The following RBM44 variants were observed in gnomAD, a reference collection of about 807,000 sequenced individuals.
The protein encoded by RBM44 is RNA binding motif protein 44.
Under a neutral mutation model 105.1 loss-of-function variants are expected in RBM44, and 66 were observed. The observed-to-expected ratio is 0.63, with a 90% CI of 0.52 to 0.77. The LOEUF (loss-of-function observed/expected upper bound fraction) is 0.77, where lower values mean the gene tolerates loss of function less well. Among genes scored for constraint, RBM44 ranks in the 30% least tolerant of loss-of-function variants. RBM44 has a pLI of 0.00. For missense variants in RBM44, 1,122 were observed against 1,207.8 expected, an observed-to-expected ratio of 0.93 and a Z score of 1.05; for synonymous variants, 365 against 417.6, an observed-to-expected ratio of 0.87 and a Z score of 1.54.
At chr2:237,814,835 C>T (rs2150974901) in intron 2 of RBM44, among the ~76,000 whole-genome samples, 1 of 152,130 alleles carries the variant, frequency 6.6e-6, no homozygotes, top group Middle Eastern at 3.4e-3. Flanking sequence ...TAGAGTTCTA[C>T]CTTATGCTAA....
At chr2:237,812,733 A>G (rs2061672156) in intron 1 of RBM44, among the ~76,000 whole-genome samples, 1 of 152,174 alleles carries the variant, frequency 6.6e-6, no homozygotes, top group South Asian at 2.1e-4. Context: ...TAGGGGACAG[A>G]GGCTCAAAAT....
intron 12 of RBM44, among the ~76,000 whole-genome samples, chr2:237,827,733 G>A (rs941684983): frequency 2.0e-5 from 3 of 152,198 alleles, no homozygotes; most frequent in South Asian, 2.1e-4. Flanking sequence ...GTATACAGGA[G>A]AGTTATTGAT....
In RBM44 at chr2:237,817,845, C is replaced by A. The variant is rs781626427; in HGVS notation, c.926C>A (p.Ser309Tyr). ...LRSNSPGNQE[S>Y]QSKSGSLSPQ... ...AGCAATTCTCCAGGAAACCAGGAAT[C>A]TCAATCTAAGAGTGGTTCCTTGAGC... The change falls in exon 3 of 16, where the codon TCT becomes TAT. Residue 309 changes from serine (S) to tyrosine (Y), a missense_variant. By Grantham distance (144) the Ser-to-Tyr change is moderately radical. Coordinates refer to ENST00000316997, the MANE Select transcript of RBM44 (RefSeq NM_001080504.3). 6.2e-7 allele frequency: 1 copy of A among 1,612,056 alleles called. No individual in the cohort carries two copies. Among genetic ancestry groups the A allele is most frequent in the South Asian group, 1.1e-5 (1 of 90,848 alleles).
intron 9 of RBM44, among the ~76,000 whole-genome samples, 185 bp downstream of exon 9, chr2:237,823,739 A>T (rs2061817823): frequency 6.6e-6 from 1 of 152,162 alleles, no homozygotes; most frequent in Admixed American, 6.6e-5. Context: ...TGCCTAATAT[A>T]GCTGACAATG....
At chr2:237,814,062 A>G (rs1428447886) in intron 2 of RBM44, among the ~76,000 whole-genome samples, 1 of 152,218 alleles carries the variant, frequency 6.6e-6, no homozygotes, top group Non-Finnish European at 1.5e-5. Flanking sequence ...GGGTCATGGC[A>G]GCAAGAAAAT....
intron 13 of RBM44, among the ~76,000 whole-genome samples, chr2:237,831,709 A>T (rs2061904811): frequency 6.6e-6 from 1 of 152,128 alleles, no homozygotes; most frequent in Non-Finnish European, 1.5e-5. Flanking sequence ...GGCCCTTTTC[A>T]TAAGGCACTA....
In RBM44 at chr2:237,801,201, A is replaced by G. The variant is rs564782155; in HGVS notation, c.-19+2340A>G. ...TCCAGGCATGGTGGTGCATGCCTATAGTTCAGCCATTTGGGAGGCTGAGGT... is the reference window on the plus strand; with the variant it reads ...TCCAGGCATGGTGGTGCATGCCTATGGTTCAGCCATTTGGGAGGCTGAGGT... On this transcript the variant is annotated intron_variant, in intron 1 of 15. Transcript: ENST00000316997. 1.6e-4 allele frequency among the ~76,000 whole-genome samples: 25 copies of G among 152,202 alleles called. No individual in the cohort carries two copies. The South Asian group carries it at 5.0e-3, about 30-fold the overall frequency.
Position 237,818,206 on chromosome 2 carries a change from C to T in RBM44, c.1287C>T (p.Ser429=). The T allele has an allele frequency of 6.2e-7, 1 of 1,613,120 alleles. No individual in the cohort carries two copies. Among genetic ancestry groups the T allele is most frequent in the Non-Finnish European group, 8.5e-7 (1 of 1,179,520 alleles). The change falls in exon 3 of 16, where the codon TCC becomes TCT. Residue 429 remains serine (S), a synonymous_variant. Coordinates refer to ENST00000316997, the MANE Select transcript of RBM44 (RefSeq NM_001080504.3). The surrounding 1 kb of genome is among the most constrained non-coding windows in gnomAD (Gnocchi z 4.6). The part of the protein sequence containing the change: ...RDNQAIEDNT[S]LKVAHSSTTK... ...ATCAGGCAATAGAAGATAATACGTC[C>T]CTAAAAGTTGCTCATAGCAGTACCA...
rs575627630 is a variant in RBM44 at position 237,813,101 on chromosome 2, A to G, written c.-18-491A>G. ...TAGAACATTTTTATCCCCCATGCCC[A>G]TTTATAGCTAATCTCTCTTCCCATC... On this transcript the variant is annotated intron_variant, in intron 1 of 15. Coordinates refer to ENST00000316997, the MANE Select transcript of RBM44 (RefSeq NM_001080504.3). Among the ~76,000 whole-genome samples, 92 of 152,282 alleles carry G rather than the reference A, an allele frequency of 6.0e-4. 3 individuals are homozygous for G. In the South Asian group the frequency reaches 0.019, roughly 31 times the overall value.
Position 237,829,308 on chromosome 2 carries a change from G to T in RBM44, c.2692G>T (p.Val898Leu). The T allele has an allele frequency of 6.2e-7, 1 of 1,613,254 alleles. No homozygotes were observed. Among genetic ancestry groups the T allele is most frequent in the South Asian group, 1.1e-5 (1 of 91,062 alleles). ...GIEINGKSVN[V>L]WPVKILGEYT... ...AGAAATAAATGGAAAGTCAGTAAATGTGTGGCCTGTTAAAATTCTTGGAGA... is the reference window on the plus strand; with the variant it reads ...AGAAATAAATGGAAAGTCAGTAAATTTGTGGCCTGTTAAAATTCTTGGAGA... The change falls in exon 13 of 16, where the codon GTG (valine) becomes TTG (leucine). Residue 898 changes from valine (V) to leucine (L), a missense_variant. This residue lies in a region of RBM44 where 194 missense variants were observed against 225.5 expected (regional missense o/e 0.86). Coordinates refer to ENST00000316997, the MANE Select transcript of RBM44 (RefSeq NM_001080504.3).
chr2:237,817,432 T>G lies in RBM44; in HGVS notation c.513T>G (p.Ser171Arg), dbSNP rs532509338. ...YNISDANYRE[S>R]AEDTQKHDTD... ...TTTCAGATGCTAATTATAGAGAAAG[T>G]GCTGAAGATACACAAAAGCATGATA... The change falls in exon 3 of 16, where the codon AGT becomes AGG. Residue 171 changes from serine to arginine, a missense_variant. Ser to Arg is a moderately radical substitution (Grantham distance 110). This residue lies in a region of RBM44 where 918 missense variants were observed against 955.3 expected (regional missense o/e 0.96). Transcript: ENST00000316997. 6.3e-7 allele frequency: 1 copy of G among 1,599,030 alleles called. No homozygotes were observed. The highest frequency in any genetic ancestry group is 1.1e-5 in the South Asian group (1 of 89,164).
chr2:237,808,795 T>C (rs935413144), intron 1 of RBM44, among the ~76,000 whole-genome samples: 2 of 152,208 alleles, frequency 1.3e-5, no homozygotes, highest in African/African-American at 4.8e-5. Context: ...ACCTCTTTTG[T>C]TTTTATAAGC....
chr2:237,800,397 TC>T (rs2061533509), intron 1 of RBM44, among the ~76,000 whole-genome samples: 1 of 152,222 alleles, frequency 6.6e-6, no homozygotes, highest in Admixed American at 6.5e-5. Context: ...TGCAAGTACT[TC>T]CGTTATACTA....
intron 15 of RBM44, among the ~76,000 whole-genome samples, chr2:237,835,802 C>T (rs1471398417): frequency 1.3e-5 from 2 of 151,376 alleles, no homozygotes; most frequent in African/African-American, 2.4e-5. Context: ...GTGCACCCAT[C>T]GCCCAAGCCC....
chr2:237,823,340 C>T, intron 8 of RBM44, 100 bp from the exon 9 acceptor site: 1 of 594,554 alleles, frequency 1.7e-6, no homozygotes, highest in Non-Finnish European at 3.0e-6. Context: ...GCCCTCATTA[C>T]TGTAAAGGCT....
At chr2:237,820,488 A>G (rs900171330) in intron 5 of RBM44, 137 bp downstream of exon 5, 6 of 556,476 alleles carry the variant, frequency 1.1e-5, no homozygotes, top group Non-Finnish European at 1.9e-5. Flanking sequence ...TAGTTAGCCT[A>G]AGGGTAATAG....
intron 7 of RBM44, 98 bp from the exon 8 acceptor site, chr2:237,821,645 T>C: frequency 2.3e-6 from 2 of 864,084 alleles, no homozygotes; most frequent in East Asian, 2.6e-5. Flanking sequence ...TCAAGTCCTC[T>C]CTTTTAGCTA....
chr2:237,825,143 T>G (rs1331709419), intron 10 of RBM44, among the ~76,000 whole-genome samples: 1 of 152,120 alleles, frequency 6.6e-6, no homozygotes, highest in African/African-American at 2.4e-5. Flanking sequence ...TTTTATGCAT[T>G]TTCTTATGCA....
At chr2:237,828,196 G>A (rs1328389944) in intron 12 of RBM44, among the ~76,000 whole-genome samples, 1 of 152,078 alleles carries the variant, frequency 6.6e-6, no homozygotes, top group Non-Finnish European at 1.5e-5. Flanking sequence ...TAACAATGGC[G>A]ATAGCTTAAT....
Sources: allele counts gnomAD v4.1 joint callset (sites outside exome capture counted in the v4.1 genomes callset), GRCh38; gene constraint gnomAD v4.1.1; regional missense constraint gnomAD v4.1.1; non-coding constraint Gnocchi (gnomAD v3.1); transcripts MANE v1.5; gene names NCBI Gene and HGNC (gene_info 2026-07-23, HGNC 2026-07-21).